The following TENM3 variants were observed in gnomAD, a reference collection of about 807,000 sequenced individuals.
TENM3 encodes the protein teneurin-3.
TENM3 carries 63 observed loss-of-function variants against 255.1 expected under a neutral mutation model. That is an observed-to-expected ratio of 0.25 (90% CI 0.20 to 0.30). The LOEUF (loss-of-function observed/expected upper bound fraction) is 0.30, where lower values mean the gene tolerates loss of function less well. Ranked by LOEUF, TENM3 falls within the 10% of genes least tolerant of loss-of-function variation. The pLI is 1.00. For missense variants in TENM3, 2,929 were observed against 3,461.1 expected (o/e 0.85, Z 3.86); for synonymous variants, 1,306 against 1,322.3 (o/e 0.99, Z 0.27).
chr4:181,760,086 T>A, the TENM3 span, among the ~76,000 whole-genome samples: 1 of 152,106 alleles, frequency 6.6e-6, no homozygotes, highest in Non-Finnish European at 1.5e-5. Context: ...ACTCATGAAT[T>A]TGATGAAACA....
At chr4:181,522,664 T>G in the TENM3 span, 1 of 616,010 alleles carries the variant, frequency 1.6e-6, no homozygotes, top group South Asian at 1.5e-5. Flanking sequence ...AGAACCAAAA[T>G]GCAGAATGAT....
At chr4:182,628,939 T>TTACTTGTATTTTATTCAGGG in intron 5 of TENM3, 50 bp downstream of exon 5, 1 of 1,087,968 alleles carries the variant, frequency 9.2e-7, no homozygotes, top group Non-Finnish European at 1.4e-6. Context: ...GGGTGTTACA[T>TTACTTGTATTTTATTCAGGG]TGTTTTATTA....
At chr4:181,736,391 T>A in the TENM3 span, among the ~76,000 whole-genome samples, 1 of 152,142 alleles carries the variant, frequency 6.6e-6, no homozygotes, top group Admixed American at 6.6e-5. Flanking sequence ...ACCTGCTCTT[T>A]CACATGTAAT....
At chr4:182,334,470 G>A (rs936282207) in intron 2 of TENM3, among the ~76,000 whole-genome samples, 6 of 152,000 alleles carry the variant, frequency 3.9e-5, no homozygotes, top group South Asian at 2.1e-4. Flanking sequence ...CATAAAATTC[G>A]TATTTTCAAA....
Position 182,792,420 on chromosome 4 carries a change from C to T in TENM3, c.5748C>T (p.Asn1916=), listed in dbSNP as rs80197208. The change falls in exon 26 of 28, where the codon AAC becomes AAT. Residue 1916 remains asparagine (N), a synonymous_variant. Coordinates refer to ENST00000511685, the MANE Select transcript of TENM3 (RefSeq NM_001080477.4). The surrounding 1 kb of genome is among the most constrained non-coding windows in gnomAD (Gnocchi z 6.3). Reference sequence around the variant, plus strand: ...TTGGCTACTACCGCAACATATACAACCCCCCGGAAAGCAACGCCTCCATCA... The same window carrying T: ...TTGGCTACTACCGCAACATATACAATCCCCCGGAAAGCAACGCCTCCATCA... ...RSIGYYRNIY[N]PPESNASIIT... is the part of the protein sequence containing the mutation. 0.016 allele frequency: 26,170 copies of T among 1,614,018 alleles called. 260 individuals are homozygous for T. The highest frequency in any genetic ancestry group is 0.019 in the Non-Finnish European group (22,147 of 1,179,884).
At chr4:182,687,368 A>G (rs1245089665) in intron 11 of TENM3, among the ~76,000 whole-genome samples, 1 of 152,136 alleles carries the variant, frequency 6.6e-6, no homozygotes, top group Non-Finnish European at 1.5e-5. Context: ...GCTTTTAAGA[A>G]AGCTTAAAAT....
chr4:182,490,745 C>T (rs966824602), intron 3 of TENM3, among the ~76,000 whole-genome samples: 1 of 47,358 alleles, frequency 2.1e-5, no homozygotes, highest in South Asian at 6.3e-4. Context: ...ACTTGGCAAC[C>T]TTGGTGGTAT....
chr4:182,376,860 C>G (rs1767210778), intron 3 of TENM3, among the ~76,000 whole-genome samples: 1 of 151,518 alleles, frequency 6.6e-6, no homozygotes, highest in African/African-American at 2.4e-5. Context: ...AGTGTATTAT[C>G]AAAAATAAGT....
intron 5 of TENM3, among the ~76,000 whole-genome samples, chr4:182,633,474 G>A (rs1362166419): frequency 1.3e-5 from 2 of 152,230 alleles, no homozygotes; most frequent in Admixed American, 1.3e-4. Context: ...ACGTTTTGCT[G>A]TAGATTTGGG....
chr4:181,706,155 T>C, the TENM3 span, among the ~76,000 whole-genome samples: 1 of 152,146 alleles, frequency 6.6e-6, no homozygotes, highest in Admixed American at 6.5e-5. Context: ...AGAGATGCTG[T>C]TGTCTCCCTG....
chr4:182,126,270 T>C, the TENM3 span, among the ~76,000 whole-genome samples: 1 of 152,012 alleles, frequency 6.6e-6, no homozygotes, highest in African/African-American at 2.4e-5. Flanking sequence ...CCAAAGTCAA[T>C]CGTAGATCCC....
chr4:181,530,612 G>A, the TENM3 span, among the ~76,000 whole-genome samples: 1 of 152,184 alleles, frequency 6.6e-6, no homozygotes, highest in Non-Finnish European at 1.5e-5. Flanking sequence ...CTCTTAATGA[G>A]TTTTAAGGGG....
intron 5 of TENM3, among the ~76,000 whole-genome samples, chr4:182,629,900 T>C (rs1052723751): frequency 6.6e-6 from 1 of 152,206 alleles, no homozygotes; most frequent in Non-Finnish European, 1.5e-5. Flanking sequence ...CAGTGTTCAA[T>C]GGGAAAACAG....
chr4:182,151,862 A>G (rs2149583659), intron 1 of TENM3, among the ~76,000 whole-genome samples: 1 of 151,988 alleles, frequency 6.6e-6, no homozygotes, highest in Admixed American at 6.6e-5. Context: ...AGTAATCTAA[A>G]TACATATTAT....
chr4:182,481,623 C>T (rs867541855), intron 3 of TENM3, among the ~76,000 whole-genome samples: 14 of 151,162 alleles, frequency 9.3e-5, no homozygotes, highest in Non-Finnish European at 1.2e-4. Context: ...GGTGAAACCC[C>T]GTCTCTACTA....
At chr4:182,696,850 A>G (rs1441110416) in intron 12 of TENM3, among the ~76,000 whole-genome samples, 6 of 152,068 alleles carry the variant, frequency 3.9e-5, no homozygotes, top group Admixed American at 3.9e-4. Context: ...ATATTTTGAT[A>G]TTCTTTTTCT....
At chr4:181,995,342 C>T in the TENM3 span, among the ~76,000 whole-genome samples, 11 of 151,968 alleles carry the variant, frequency 7.2e-5, no homozygotes, top group Non-Finnish European at 1.5e-4. Context: ...ATTACATCTG[C>T]CTTTGTCCCA....
chr4:181,652,700 A>C, the TENM3 span, among the ~76,000 whole-genome samples: 1 of 152,198 alleles, frequency 6.6e-6, no homozygotes, highest in Non-Finnish European at 1.5e-5. Flanking sequence ...TCCAAAACTT[A>C]AAGTACAAAA....
At chr4:181,603,369 G>A in the TENM3 span, among the ~76,000 whole-genome samples, 4 of 152,016 alleles carry the variant, frequency 2.6e-5, no homozygotes, top group Admixed American at 6.6e-5. Context: ...CTATCAACCC[G>A]AAAGCATGAT....
Sources: allele counts gnomAD v4.1 joint callset (sites outside exome capture counted in the v4.1 genomes callset), GRCh38; gene constraint gnomAD v4.1.1; non-coding constraint Gnocchi (gnomAD v3.1); transcripts MANE v1.5; gene names NCBI Gene and HGNC (gene_info 2026-07-23, HGNC 2026-07-21).